The following PUS7 variants were observed in gnomAD, a reference collection of about 807,000 sequenced individuals.
PUS7 encodes the protein pseudouridylate synthase 7 homolog.
In PUS7, 48 loss-of-function variants were observed where a neutral mutation model predicts 79.8. The ratio of observed to expected loss-of-function variants is 0.60; its 90% CI spans 0.48 to 0.76. The LOEUF (loss-of-function observed/expected upper bound fraction) is 0.76, where lower values mean the gene tolerates loss of function less well. Among genes scored for constraint, PUS7 ranks in the 30% least tolerant of loss-of-function variants. The pLI is 0.00. For synonymous variants in PUS7, 286 were observed against 272.2 expected, an observed-to-expected ratio of 1.05 and a Z score of -0.50; for missense variants, 729 against 797.6, an observed-to-expected ratio of 0.91 and a Z score of 1.04.
At chr7:105,493,032 G>T (rs116919537) in intron 6 of PUS7, among the ~76,000 whole-genome samples, 6,770 of 152,272 alleles carry the variant, frequency 0.044, 214 homozygotes, top group South Asian at 0.12. Context: ...CAACAAAAAA[G>T]GCAACAATGC....
At chr7:105,466,162 G>A (rs1823635617) in intron 12 of PUS7, among the ~76,000 whole-genome samples, 3 of 147,894 alleles carry the variant, frequency 2.0e-5, no homozygotes, top group Non-Finnish European at 1.5e-5. Flanking sequence ...TGTCTCAAAG[G>A]AAAAAAAAAA....
chr7:105,465,116 C>A (rs768351396), intron 13 of PUS7, among the ~76,000 whole-genome samples, 197 bp downstream of exon 13: 1 of 152,136 alleles, frequency 6.6e-6, no homozygotes, highest in Non-Finnish European at 1.5e-5. Flanking sequence ...AGCCACCGTG[C>A]CTGACCTATT....
chr7:105,496,358 G>A (rs1024330293), intron 5 of PUS7, among the ~76,000 whole-genome samples: 4 of 151,136 alleles, frequency 2.6e-5, no homozygotes, highest in African/African-American at 4.9e-5. Flanking sequence ...CTTTATAGAC[G>A]CTGTACAATA....
Position 105,457,685 on chromosome 7 carries a change from CA to C in PUS7, c.*104del. On this transcript the variant is annotated 3_prime_UTR_variant, in exon 16 of 16. Transcript: ENST00000469408. ...TTAAAAATACAAATAATTTTTATTA[CA>C]AAGATTTGAAATCCATATATGAGTC... The C allele has an allele frequency of 1.8e-6, 2 of 1,100,012 alleles. No individual in the cohort carries two copies. Among genetic ancestry groups the C allele is most frequent in the Non-Finnish European group, 2.5e-6 (2 of 801,382 alleles). The allele number at this position is 1,100,012 out of a possible 1,614,324, so 68.1% of individuals were successfully genotyped here.
rs184869978 is a variant in PUS7, at chr7:105,466,236, G to A, written c.1526-822C>T. Among the ~76,000 whole-genome samples the A allele has an allele frequency of 5.0e-3, 759 of 152,052 alleles. 5 individuals carry two copies. The highest frequency in any genetic ancestry group is 0.01 in the Middle Eastern group (3 of 294). On this transcript the variant is annotated intron_variant, in intron 12 of 15. Coordinates refer to ENST00000469408, the MANE Select transcript of PUS7 (RefSeq NM_019042.5). ...ACTCTACCCAAGAAATAAAAATCAA[G>A]GACTTAGAAAAAGTAAAAGAAATTC...
chr7:105,471,836 C>G (rs1288626944), intron 10 of PUS7, among the ~76,000 whole-genome samples: 1 of 150,162 alleles, frequency 6.7e-6, no homozygotes, highest in Non-Finnish European at 1.5e-5. Context: ...CACTTGAACC[C>G]AGGAGGCAGA....
At position 105,470,650 on chromosome 7, in the gene PUS7, G is replaced by A. The variant is rs768515655; in HGVS notation, c.1398+38C>T. 8 of 1,513,272 alleles carry A rather than the reference G, an allele frequency of 5.3e-6. No individual in the cohort carries two copies. The highest frequency in any genetic ancestry group is 1.4e-5 in the African/African-American group (1 of 71,668). The allele number at this position is 1,513,272 out of a possible 1,614,324, so 93.7% of individuals were successfully genotyped here. A position where few individuals can be genotyped will look rare whatever the true frequency, so the allele number is the denominator to read the frequency against. ...GATGAAATTTAAAAAGCATTAAAACGCCTTGAGCCATTGCCTGACTTCACA... is the reference window on the plus strand; with the variant it reads ...GATGAAATTTAAAAAGCATTAAAACACCTTGAGCCATTGCCTGACTTCACA... On this transcript the variant is annotated intron_variant, in intron 11 of 15. Transcript: ENST00000469408.
Position 105,482,441 on chromosome 7 carries a change from C to CT in PUS7, c.921-2dup. The CT allele has an allele frequency of 1.4e-6, 2 of 1,408,208 alleles. No homozygotes were observed. Among genetic ancestry groups the CT allele is most frequent in the Non-Finnish European group, 9.5e-7 (1 of 1,052,148 alleles). The allele number at this position is 1,408,208 out of a possible 1,614,324, so 87.2% of individuals were successfully genotyped here. On this transcript the variant is annotated splice_acceptor_variant, in intron 7 of 15. Coordinates refer to ENST00000469408, the MANE Select transcript of PUS7 (RefSeq NM_019042.5). LOFTEE classifies it high-confidence loss of function. The stretch of plus-strand genomic sequence containing the variant: ...GTGGGCAAGTCTTTGTGCAGTTATT[C>CT]TTTAAAAAAAAAAAAAAAAGCAACA...
intron 9 of PUS7, among the ~76,000 whole-genome samples, chr7:105,476,307 A>G (rs1035494327): frequency 2.6e-5 from 4 of 151,878 alleles, no homozygotes; most frequent in Non-Finnish European, 5.9e-5. Flanking sequence ...TCCCACTGTC[A>G]TTTCTTTTGG....
At chr7:105,479,144 C>T (rs183318967) in intron 9 of PUS7, among the ~76,000 whole-genome samples, 33 of 152,326 alleles carry the variant, frequency 2.2e-4, no homozygotes, top group African/African-American at 7.9e-4. Context: ...CATCATCTCA[C>T]TTCATTTTCA....
chr7:105,472,340 T>C (rs1441820116), intron 9 of PUS7, 147 bp from the exon 10 acceptor site: 1 of 542,322 alleles, frequency 1.8e-6, no homozygotes, highest in Non-Finnish European at 3.3e-6. Context: ...AGTCTAGTGA[T>C]TCTCCCACCT....
intron 15 of PUS7, among the ~76,000 whole-genome samples, chr7:105,458,533 C>A (rs1309565522): frequency 2.0e-5 from 3 of 150,808 alleles, no homozygotes; most frequent in African/African-American, 7.3e-5. Flanking sequence ...TCCCAAACTG[C>A]TGGGATTACA....
intron 6 of PUS7, among the ~76,000 whole-genome samples, chr7:105,494,699 C>T (rs1015374578): frequency 6.6e-6 from 1 of 151,860 alleles, no homozygotes; most frequent in Non-Finnish European, 1.5e-5. Context: ...TGAGCCACTG[C>T]GCCAGGCCGA....
chr7:105,494,610 A>C (rs979139681), intron 6 of PUS7, among the ~76,000 whole-genome samples: 1 of 151,604 alleles, frequency 6.6e-6, no homozygotes, highest in African/African-American at 2.4e-5. Flanking sequence ...GGGTTTCACC[A>C]TGTTGGCCAA....
intron 1 of PUS7, among the ~76,000 whole-genome samples, chr7:105,521,132 A>C (rs773077929): frequency 7.6e-6 from 1 of 132,094 alleles, no homozygotes; most frequent in Non-Finnish European, 1.8e-5. Context: ...CCCCTTTTCA[A>C]TAGTGTTGTA....
intron 9 of PUS7, 149 bp downstream of exon 9, chr7:105,480,903 C>T: frequency 1.2e-6 from 1 of 864,122 alleles, no homozygotes. Context: ...TTACCCTGTG[C>T]ACTCATTAAC....
chr7:105,481,464 A>AG (rs1294444279), intron 8 of PUS7, among the ~76,000 whole-genome samples: 43 of 152,298 alleles, frequency 2.8e-4, no homozygotes, highest in African/African-American at 1.0e-3. Context: ...GATGACCTTG[A>AG]GCAGTAGGAT....
intron 6 of PUS7, among the ~76,000 whole-genome samples, chr7:105,494,555 A>G (rs1284518331): frequency 6.6e-6 from 1 of 152,038 alleles, no homozygotes; most frequent in Non-Finnish European, 1.5e-5. Context: ...CACTACAGGC[A>G]CATGCCACCA....
At chr7:105,511,914 G>C (rs1467117568) in intron 1 of PUS7, among the ~76,000 whole-genome samples, 1 of 151,980 alleles carries the variant, frequency 6.6e-6, no homozygotes, top group African/African-American at 2.4e-5. Context: ...GGGAGGCTGA[G>C]GCGGGTGGAT....
Sources: gnomAD v4.1 joint callset for allele counts (sites outside exome capture counted in the v4.1 genomes callset) on GRCh38, gnomAD v4.1.1 for gene constraint, MANE v1.5 for transcripts, NCBI Gene and HGNC (gene_info 2026-07-23, HGNC 2026-07-21) for gene names.